Variants in HEMK2 observed in about 807,000 individuals in gnomAD.
HEMK2 encodes the protein methyltransferase HEMK2.
the HEMK2 span, among the ~76,000 whole-genome samples, chr21:28,860,536 A>C: frequency 2.0e-5 from 3 of 151,526 alleles, no homozygotes; most frequent in Non-Finnish European, 2.9e-5. Context: ...GTTGCTCCTA[A>C]GTTCACTGAA....
At chr21:28,721,900 T>TCTCA in the HEMK2 span, among the ~76,000 whole-genome samples, 2 of 127,296 alleles carry the variant, frequency 1.6e-5, no homozygotes, top group East Asian at 4.6e-4. Flanking sequence ...TTCTTAACCA[T>TCTCA]CACACACACA....
chr21:28,619,748 T>C, the HEMK2 span, among the ~76,000 whole-genome samples: 6 of 152,218 alleles, frequency 3.9e-5, no homozygotes, highest in Admixed American at 3.3e-4. Context: ...CTGTCAACAA[T>C]AATTGATGTT....
At chr21:28,858,102 T>C in the HEMK2 span, among the ~76,000 whole-genome samples, 1 of 152,214 alleles carries the variant, frequency 6.6e-6, no homozygotes, top group South Asian at 2.1e-4. Context: ...TTCTTTTTAT[T>C]TGAATATGTC....
chr21:28,700,644 T>C, the HEMK2 span, among the ~76,000 whole-genome samples: 1 of 152,002 alleles, frequency 6.6e-6, no homozygotes, highest in Non-Finnish European at 1.5e-5. Flanking sequence ...AGAAATTGAA[T>C]CCGTAATAAA....
the HEMK2 span, among the ~76,000 whole-genome samples, chr21:28,828,167 C>CA: frequency 1.4e-5 from 2 of 138,094 alleles, no homozygotes; most frequent in African/African-American, 6.4e-5. Flanking sequence ...CTGATATAAG[C>CA]GTAAGACCCA....
chr21:28,831,037 C>T, the HEMK2 span, among the ~76,000 whole-genome samples: 1 of 151,990 alleles, frequency 6.6e-6, no homozygotes, highest in Non-Finnish European at 1.5e-5. Flanking sequence ...GATTTATGAG[C>T]CCAGGACCAC....
chr21:28,736,074 A>C, the HEMK2 span, among the ~76,000 whole-genome samples: 1 of 152,234 alleles, frequency 6.6e-6, no homozygotes, highest in African/African-American at 2.4e-5. Context: ...CATTACAAGG[A>C]GGGTAGACAC....
the HEMK2 span, among the ~76,000 whole-genome samples, chr21:28,748,514 T>C: frequency 2.0e-5 from 3 of 152,220 alleles, no homozygotes; most frequent in Non-Finnish European, 2.9e-5. Flanking sequence ...ATTGAACCAC[T>C]TGGGCTTGAT....
chr21:28,730,878 TGAATATTATAGGG>T, the HEMK2 span, among the ~76,000 whole-genome samples: 1 of 151,752 alleles, frequency 6.6e-6, no homozygotes, highest in Non-Finnish European at 1.5e-5. Context: ...TACATGTGTG[TGAATATTATAGGG>T]GCCCTTCTCA....
At chr21:28,853,543 T>C in the HEMK2 span, among the ~76,000 whole-genome samples, 1 of 152,204 alleles carries the variant, frequency 6.6e-6, no homozygotes, top group Admixed American at 6.5e-5. Flanking sequence ...ACTCTCATCC[T>C]CACCTCTAAG....
At chr21:28,807,635 T>C in the HEMK2 span, among the ~76,000 whole-genome samples, 1 of 152,148 alleles carries the variant, frequency 6.6e-6, no homozygotes, top group African/African-American at 2.4e-5. Context: ...TTGGCTGACA[T>C]GGTTCTTTTT....
At chr21:28,595,915 G>A in the HEMK2 span, among the ~76,000 whole-genome samples, 2 of 151,470 alleles carry the variant, frequency 1.3e-5, no homozygotes, top group Non-Finnish European at 2.9e-5. Context: ...CTCCCAAGTA[G>A]CTGGGACTAC....
chr21:28,787,706 C>G, the HEMK2 span, among the ~76,000 whole-genome samples: 1 of 152,086 alleles, frequency 6.6e-6, no homozygotes, highest in Non-Finnish European at 1.5e-5. Flanking sequence ...AATGAAAAAA[C>G]AGTAGATGTT....
At chr21:28,747,416 G>T in the HEMK2 span, among the ~76,000 whole-genome samples, 1 of 152,180 alleles carries the variant, frequency 6.6e-6, no homozygotes. Flanking sequence ...AGTTGACACA[G>T]AATGACTTTA....
At chr21:28,789,093 A>G in the HEMK2 span, among the ~76,000 whole-genome samples, 3 of 152,168 alleles carry the variant, frequency 2.0e-5, no homozygotes, top group African/African-American at 7.2e-5. Flanking sequence ...ATTGTGAGAA[A>G]TAAATTTTTG....
chr21:28,861,394 T>A, the HEMK2 span, among the ~76,000 whole-genome samples: 2 of 152,248 alleles, frequency 1.3e-5, no homozygotes, highest in Non-Finnish European at 2.9e-5. Context: ...GGAAGCCTAC[T>A]GCATTCTTAA....
At chr21:28,793,299 C>A in the HEMK2 span, among the ~76,000 whole-genome samples, 1 of 152,270 alleles carries the variant, frequency 6.6e-6, no homozygotes, top group East Asian at 1.9e-4. Context: ...TTATTAATGA[C>A]AAAACTTTTT....
At chr21:28,663,509 A>C in the HEMK2 span, among the ~76,000 whole-genome samples, 1 of 152,378 alleles carries the variant, frequency 6.6e-6, no homozygotes, top group East Asian at 1.9e-4. Flanking sequence ...GCAGTGCAGC[A>C]TGTGGACAAA....
chr21:28,821,380 G>A, the HEMK2 span, among the ~76,000 whole-genome samples: 2 of 152,178 alleles, frequency 1.3e-5, no homozygotes, highest in East Asian at 1.9e-4. Flanking sequence ...TAAAAGTGGA[G>A]ATAATAGCAA....
Sources: gnomAD v4.1 joint callset for allele counts (sites outside exome capture counted in the v4.1 genomes callset) on GRCh38, gnomAD v4.1.1 for gene constraint, MANE v1.5 for transcripts, NCBI Gene and HGNC (gene_info 2026-07-23, HGNC 2026-07-21) for gene names.